The following VASH2 variants were observed in gnomAD, a reference collection of about 807,000 sequenced individuals.
VASH2 encodes the protein vasohibin 2.
Under a neutral mutation model 37.2 loss-of-function variants are expected in VASH2, and 28 were observed. The observed-to-expected ratio is 0.75, with a 90% CI of 0.56 to 1.03. VASH2 has a LOEUF of 1.03. Ranked by LOEUF, VASH2 falls within the 50% of genes least tolerant of loss-of-function variation. The probability of loss-of-function intolerance (pLI) is 0.00; values close to 1 mark genes in which losing one functional copy is unlikely to be tolerated. For synonymous variants in VASH2, 188 were observed against 174.7 expected (o/e 1.08, Z -0.60); for missense variants, 419 against 459.1 (o/e 0.91, Z 0.80).
At chr1:212,978,741 G>A (rs921432611) in intron 7 of VASH2, among the ~76,000 whole-genome samples, 3 of 152,104 alleles carry the variant, frequency 2.0e-5, no homozygotes, top group Non-Finnish European at 2.9e-5. Context: ...GCCTTGGAAC[G>A]GTTTGACCAT....
rs1472594226 is a variant in VASH2 at position 212,972,978 on chromosome 1, CAAGGA to C, written c.879+19_879+23del. The C allele has an allele frequency of 1.1e-5, 17 of 1,603,858 alleles. No homozygotes were observed. The highest frequency in any genetic ancestry group is 1.4e-5 in the Non-Finnish European group (16 of 1,179,552). On this transcript the variant is annotated intron_variant, in intron 6 of 7. Coordinates refer to ENST00000517399, the MANE Select transcript of VASH2 (RefSeq NM_001301056.2). ...AGAATGAAGGTGGGTGCTGGGAAGA[CAAGGA>C]AGCCATGCAGGAGAGCTCTTTTCCC...
intron 7 of VASH2, among the ~76,000 whole-genome samples, chr1:212,986,067 A>G (rs1667467953): frequency 6.6e-6 from 1 of 152,244 alleles, no homozygotes; most frequent in Non-Finnish European, 1.5e-5. Context: ...ATCAGTTATG[A>G]AAATCTAATA....
chr1:212,988,365 T>G, intron 7 of VASH2, 147 bp from the exon 8 acceptor site: 10 of 741,500 alleles, frequency 1.3e-5, no homozygotes, highest in Non-Finnish European at 2.1e-5. Context: ...AGTAGAGTTG[T>G]GAGCTAAGGC....
intron 7 of VASH2, among the ~76,000 whole-genome samples, chr1:212,981,235 G>A (rs373101739): frequency 2.0e-5 from 3 of 152,238 alleles, no homozygotes; most frequent in Admixed American, 6.5e-5. Flanking sequence ...CTTCTGGGCC[G>A]AATCCGTCTT....
chr1:212,973,071 A>G, intron 6 of VASH2, 110 bp downstream of exon 6: 1 of 1,409,110 alleles, frequency 7.1e-7, no homozygotes, highest in Non-Finnish European at 9.5e-7. Context: ...AAATTTCTTG[A>G]GGTTAAAGTC....
chr1:212,972,983 A>G, intron 6 of VASH2, 22 bp downstream of exon 6: 1 of 1,602,498 alleles, frequency 6.2e-7, no homozygotes, highest in South Asian at 1.1e-5. Context: ...GAAGACAAGG[A>G]AGCCATGCAG....
At chr1:212,957,678 C>T (rs1395337390) in intron 2 of VASH2, among the ~76,000 whole-genome samples, 1 of 147,700 alleles carries the variant, frequency 6.8e-6, no homozygotes, top group Non-Finnish European at 1.5e-5. Context: ...AGTGCAGTGG[C>T]TCAATCACTG....
intron 3 of VASH2, among the ~76,000 whole-genome samples, chr1:212,964,986 T>A (rs1380909859): frequency 6.6e-6 from 1 of 151,642 alleles, no homozygotes. Flanking sequence ...AGTGGTGAGA[T>A]CTTGGCTCAC....
chr1:212,985,198 C>CTTTTTTTTTTT (rs55804989), intron 7 of VASH2, among the ~76,000 whole-genome samples: 19 of 100,830 alleles, frequency 1.9e-4, no homozygotes, highest in Non-Finnish European at 2.8e-4. Flanking sequence ...ATTTTTTTTG[C>CTTTTTTTTTTT]TTTTTTTTTT....
chr1:212,952,234 C>T (rs959306910), intron 2 of VASH2, among the ~76,000 whole-genome samples: 1 of 152,236 alleles, frequency 6.6e-6, no homozygotes, highest in South Asian at 2.1e-4. Context: ...CTCTGCTCCC[C>T]TCTTCCCCCA....
At chr1:212,987,562 G>A (rs1040230018) in intron 7 of VASH2, among the ~76,000 whole-genome samples, 16 of 152,056 alleles carry the variant, frequency 1.1e-4, no homozygotes, top group African/African-American at 3.9e-4. Context: ...CAACAAGGGC[G>A]AAACTCCGTC....
At chr1:212,988,296 A>G (rs1260638131) in intron 7 of VASH2, among the ~76,000 whole-genome samples, 1 of 152,224 alleles carries the variant, frequency 6.6e-6, no homozygotes, top group East Asian at 1.9e-4. Flanking sequence ...TCTGAACTCT[A>G]CATTGAAAGT....
intron 2 of VASH2, chr1:212,952,496 A>C (rs2102614509): frequency 6.6e-6 from 1 of 152,480 alleles, no homozygotes; most frequent in African/African-American, 2.4e-5. Context: ...TCCAGTACAC[A>C]TGATGAATTA....
chr1:212,965,615 C>T, intron 3 of VASH2, 107 bp from the exon 4 acceptor site: 1 of 1,031,886 alleles, frequency 9.7e-7, no homozygotes, highest in South Asian at 1.5e-5. Flanking sequence ...CTTCTGAAAG[C>T]CCTCACATCC....
intron 4 of VASH2, chr1:212,965,991 G>C: frequency 1.6e-6 from 1 of 607,188 alleles, no homozygotes; most frequent in Non-Finnish European, 2.9e-6. Context: ...AGCTTCCAGG[G>C]TGGAGGAGGC....
chr1:212,964,785 C>T (rs1666788945), intron 3 of VASH2, among the ~76,000 whole-genome samples: 1 of 152,178 alleles, frequency 6.6e-6, no homozygotes, highest in Non-Finnish European at 1.5e-5. Context: ...CATCCGTCCC[C>T]ATCCACCCTT....
rs1558138644 is a variant in VASH2, at chr1:212,951,821, C to CAGTG, written c.276+4_276+7dup. 1 of 1,599,242 alleles carries CAGTG rather than the reference C, an allele frequency of 6.3e-7. No individual in the cohort carries two copies. Among genetic ancestry groups the CAGTG allele is most frequent in the African/African-American group, 1.3e-5 (1 of 75,024 alleles). ...GGAACGCCGCCTTCTTGGCAAAGGT[C>CAGTG]AGTGGCTTCCAGGGCGGAGTTGGGG... On this transcript the variant is annotated splice_donor_region_variant and intron_variant, in intron 2 of 7. Transcript: ENST00000517399. This position sits in a 1 kb window ranked among gnomAD's most constrained non-coding sequence, Gnocchi z 4.4.
rs1558157058 is a variant in VASH2, at chr1:212,990,874, A to G, written c.*2290A>G. 2 of 152,232 alleles carry G rather than the reference A, an allele frequency of 1.3e-5. No individual in the cohort carries two copies. Among genetic ancestry groups the G allele is most frequent in the Non-Finnish European group, 2.9e-5 (2 of 68,048 alleles). 9.4% of individuals were successfully genotyped at this position (152,232 alleles called of 1,614,324 possible). On this transcript the variant is annotated 3_prime_UTR_variant, in exon 8 of 8. Coordinates refer to ENST00000517399, the MANE Select transcript of VASH2 (RefSeq NM_001301056.2). ...TTTCTAAAAAAAATACGGGAGAGGCACCAAACCCCTAAATTCTAGTGCAAT... is the reference window on the plus strand; with the variant it reads ...TTTCTAAAAAAAATACGGGAGAGGCGCCAAACCCCTAAATTCTAGTGCAAT...
At chr1:212,968,838 TG>T in intron 5 of VASH2, 1 of 985,450 alleles carries the variant, frequency 1.0e-6, no homozygotes. Context: ...AGGCCCTTCA[TG>T]GGGTAGACAA....
Sources: allele counts gnomAD v4.1 joint callset (sites outside exome capture counted in the v4.1 genomes callset), GRCh38; gene constraint gnomAD v4.1.1; non-coding constraint Gnocchi (gnomAD v3.1); transcripts MANE v1.5; gene names NCBI Gene and HGNC (gene_info 2026-07-23, HGNC 2026-07-21).